The following TMEM14A variants were observed in gnomAD, a reference collection of about 807,000 sequenced individuals.
TMEM14A encodes the protein transmembrane protein 14A.
Under a neutral mutation model 11.6 loss-of-function variants are expected in TMEM14A, and 8 were observed. That is an observed-to-expected ratio of 0.69 (90% confidence interval 0.40 to 1.24). The LOEUF is 1.24. Ranked by LOEUF, TMEM14A falls within the 50% of genes most tolerant of loss-of-function variation. The probability of loss-of-function intolerance (pLI) is 0.01; values close to 1 mark genes in which losing one functional copy is unlikely to be tolerated. For synonymous variants in TMEM14A, 34 were observed against 45.5 expected (o/e 0.75, Z 1.02); for missense variants, 108 against 121.9 (o/e 0.89, Z 0.54).
chr6:52,672,864 ACTG>A (rs1769187682), intron 1 of TMEM14A, among the ~76,000 whole-genome samples: 1 of 152,062 alleles, frequency 6.6e-6, no homozygotes, highest in South Asian at 2.1e-4. Flanking sequence ...CATCTTCACT[ACTG>A]CAACTGGGAA....
chr6:52,680,055 G>T (rs1415119083), intron 2 of TMEM14A, among the ~76,000 whole-genome samples: 6 of 151,758 alleles, frequency 4.0e-5, no homozygotes, highest in African/African-American at 7.3e-5. Context: ...CATAATAGGG[G>T]TGCATTAAAT....
intron 3 of TMEM14A, among the ~76,000 whole-genome samples, chr6:52,682,997 T>C (rs1254738006): frequency 1.3e-5 from 2 of 152,122 alleles, no homozygotes; most frequent in Admixed American, 1.3e-4. Context: ...ATTAATCAGA[T>C]CTTACTTGTA....
chr6:52,676,658 G>A (rs1769262041), intron 1 of TMEM14A, among the ~76,000 whole-genome samples: 1 of 152,048 alleles, frequency 6.6e-6, no homozygotes, highest in South Asian at 2.1e-4. Context: ...CCTGAGACTC[G>A]GTAATTTATG....
chr6:52,680,660 T>TATATATATATAA (rs1185425959), intron 2 of TMEM14A, among the ~76,000 whole-genome samples: 1 of 46,708 alleles, frequency 2.1e-5, no homozygotes, highest in Non-Finnish European at 4.7e-5. Flanking sequence ...TGTGTGTGTA[T>TATATATATATAA]ATATATGTGT....
intron 1 of TMEM14A, among the ~76,000 whole-genome samples, chr6:52,675,375 C>T (rs1296949604): frequency 6.6e-6 from 1 of 152,168 alleles, no homozygotes; most frequent in South Asian, 2.1e-4. Flanking sequence ...AATAAAGGCA[C>T]CACTAGGGGT....
At chr6:52,679,169 G>A (rs1216006513) in intron 2 of TMEM14A, among the ~76,000 whole-genome samples, 1 of 152,108 alleles carries the variant, frequency 6.6e-6, no homozygotes, top group Non-Finnish European at 1.5e-5. Context: ...TTTGATGGGG[G>A]TACAGTGGGG....
At chr6:52,681,432 A>T (rs1769390616) in intron 2 of TMEM14A, among the ~76,000 whole-genome samples, 1 of 152,126 alleles carries the variant, frequency 6.6e-6, no homozygotes. Context: ...TATCATCACA[A>T]CCTCATTGCA....
At chr6:52,680,712 T>TGTATATATATATATAC (rs1769374490) in intron 2 of TMEM14A, among the ~76,000 whole-genome samples, 1 of 133,078 alleles carries the variant, frequency 7.5e-6, no homozygotes, top group African/African-American at 2.7e-5. Flanking sequence ...TATACACATA[T>TGTATATATATATATAC]ATATATGGCA....
intron 4 of TMEM14A, 95 bp from the exon 5 acceptor site, chr6:52,685,908 CAAGGATT>C (rs1307077342): frequency 3.7e-6 from 4 of 1,086,942 alleles, no homozygotes; most frequent in East Asian, 2.6e-5. Context: ...GCCCCCAAGC[CAAGGATT>C]AGTAACACTA....
At chr6:52,681,343 G>T (rs1463686053) in intron 2 of TMEM14A, among the ~76,000 whole-genome samples, 1 of 152,160 alleles carries the variant, frequency 6.6e-6, no homozygotes, top group Non-Finnish European at 1.5e-5. Flanking sequence ...TAATTATTCA[G>T]GATGGAACCA....
chr6:52,679,322 C>T (rs1302813143), intron 2 of TMEM14A, among the ~76,000 whole-genome samples: 2 of 152,142 alleles, frequency 1.3e-5, no homozygotes, highest in African/African-American at 4.8e-5. Context: ...CAGGTAACAT[C>T]GAGTGCCCAG....
intron 1 of TMEM14A, among the ~76,000 whole-genome samples, chr6:52,673,844 C>T (rs1157014667): frequency 1.3e-5 from 2 of 152,204 alleles, no homozygotes; most frequent in Non-Finnish European, 2.9e-5. Flanking sequence ...TGGTATGATT[C>T]ATTAACTAAA....
At chr6:52,677,273 C>T in intron 2 of TMEM14A, 101 bp downstream of exon 2, 2 of 1,288,336 alleles carry the variant, frequency 1.6e-6, no homozygotes, top group South Asian at 1.2e-5. Flanking sequence ...GCTAAAGATG[C>T]CTTAGAGGTG....
chr6:52,677,064 T>C, intron 1 of TMEM14A, 23 bp from the exon 2 acceptor site: 1 of 1,609,784 alleles, frequency 6.2e-7, no homozygotes, highest in Non-Finnish European at 8.5e-7. Flanking sequence ...TTTGTATAAT[T>C]TGTCCTTTCC....
At chr6:52,674,889 CT>C (rs35094326) in intron 1 of TMEM14A, among the ~76,000 whole-genome samples, 293 of 139,414 alleles carry the variant, frequency 2.1e-3, no homozygotes, top group African/African-American at 7.4e-3. Context: ...AATTCTTCTT[CT>C]TTTTTTTTTT....
rs1469456373 is a variant in TMEM14A, at chr6:52,681,704, C to T, written c.71-109C>T. ...AATTTGGCTTTGTCCAGTTACTGTG[C>T]CCAAGTAGGAATACATTTGAAGGTG... is the stretch of plus-strand genomic sequence containing the variant. On this transcript the variant is annotated intron_variant, in intron 2 of 4. Transcript: ENST00000211314. The T allele has an allele frequency of 8.9e-6, 8 of 894,274 alleles. No individual in the cohort carries two copies. The East Asian group carries it at 1.5e-4, about 17-fold the overall frequency. The allele number at this position is 894,274 out of a possible 1,614,324, so 55.4% of individuals were successfully genotyped here.
intron 3 of TMEM14A, among the ~76,000 whole-genome samples, chr6:52,682,596 G>T (rs75824691): frequency 2.1e-3 from 181 of 84,984 alleles, no homozygotes; most frequent in East Asian, 0.02. Context: ...GAGATTTGGG[G>T]TTTTTTTTTT....
chr6:52,680,704 T>TATATATATATATACACATACACAC (rs371102796), intron 2 of TMEM14A, among the ~76,000 whole-genome samples: 1 of 51,102 alleles, frequency 2.0e-5, no homozygotes, highest in Non-Finnish European at 4.4e-5. Flanking sequence ...TATATATATA[T>TATATATATATATACACATACACAC]ACACATATAT....
chr6:52,680,175 T>A (rs1431561025), intron 2 of TMEM14A, among the ~76,000 whole-genome samples: 1 of 151,892 alleles, frequency 6.6e-6, no homozygotes, highest in East Asian at 1.9e-4. Context: ...ATGAACAGCA[T>A]ATAAACATAT....
Sources: gnomAD v4.1 joint callset for allele counts (sites outside exome capture counted in the v4.1 genomes callset) on GRCh38, gnomAD v4.1.1 for gene constraint, MANE v1.5 for transcripts, NCBI Gene and HGNC (gene_info 2026-07-23, HGNC 2026-07-21) for gene names.